TLCD4: variants seen among roughly 807,000 people sequenced by gnomAD.
The protein encoded by TLCD4 is TLC domain containing 4, also known as TLC domain-containing protein 4.
A neutral mutation model predicts 24.2 loss-of-function variants in TLCD4; 7 were observed. The observed-to-expected ratio is 0.29, with a 90% CI of 0.16 to 0.54. TLCD4 has a LOEUF of 0.54. TLCD4 is among the 20% of genes least tolerant of loss of function. The pLI, the probability that TLCD4 is intolerant of heterozygous loss-of-function variation, is 0.95. For missense variants in TLCD4, 259 were observed against 313.9 expected, an observed-to-expected ratio of 0.82 and a Z score of 1.32; for synonymous variants, 103 against 106.4, an observed-to-expected ratio of 0.97 and a Z score of 0.20.
chr1:95,151,522 C>A, intron 5 of TLCD4, 103 bp downstream of exon 5: 1 of 1,350,254 alleles, frequency 7.4e-7, no homozygotes, highest in Non-Finnish European at 1.0e-6. Context: ...TTTTTAAAGA[C>A]CATCTCCAGA....
At chr1:95,144,335 G>A (rs959955098) in intron 2 of TLCD4, among the ~76,000 whole-genome samples, 2 of 152,114 alleles carry the variant, frequency 1.3e-5, no homozygotes, top group Admixed American at 6.6e-5. Context: ...TAGTACTTTC[G>A]TGTTCTTCTT....
chr1:95,162,635 A>C (rs1205859406), intron 5 of TLCD4, among the ~76,000 whole-genome samples: 1 of 152,182 alleles, frequency 6.6e-6, no homozygotes, highest in Non-Finnish European at 1.5e-5. Flanking sequence ...TGCAGTGGTT[A>C]GTACTGGTTG....
intron 1 of TLCD4, among the ~76,000 whole-genome samples, chr1:95,124,431 G>C (rs1676655778): frequency 6.6e-6 from 1 of 152,242 alleles, no homozygotes; most frequent in Middle Eastern, 3.4e-3. Context: ...TTTTCATTAA[G>C]AAAACACTAT....
chr1:95,123,399 G>C (rs1676623321), intron 1 of TLCD4, among the ~76,000 whole-genome samples: 1 of 152,186 alleles, frequency 6.6e-6, no homozygotes, highest in Non-Finnish European at 1.5e-5. Context: ...TGATCACCTG[G>C]AGCCAGAAGA....
At chr1:95,135,870 C>G (rs1009628494) in intron 1 of TLCD4, among the ~76,000 whole-genome samples, 1 of 151,916 alleles carries the variant, frequency 6.6e-6, no homozygotes, top group Non-Finnish European at 1.5e-5. Flanking sequence ...AGGTGTGCAC[C>G]ACCACACCTG....
At chr1:95,120,082 A>G (rs1467564155) in intron 1 of TLCD4, 1 of 152,208 alleles carries the variant, frequency 6.6e-6, no homozygotes. Flanking sequence ...GGATACCACC[A>G]AACTAGTGCA....
At position 95,148,714 on chromosome 1, in the gene TLCD4, A is replaced by G; in HGVS notation, c.168A>G (p.Thr56=). ...KIEWNSRVVS[T]CHSLVVGIFG... ...TGTTTAATTTCAGGGTAGTATCCACATGCCATTCTTTGGTGGTTGGTATTT... is the reference window on the plus strand; with the variant it reads ...TGTTTAATTTCAGGGTAGTATCCACGTGCCATTCTTTGGTGGTTGGTATTT... The change falls in exon 3 of 7, where the codon ACA becomes ACG. Residue 56 remains threonine, a synonymous_variant. Coordinates refer to ENST00000370203, the MANE Select transcript of TLCD4 (RefSeq NM_152487.3). 6.2e-7 allele frequency: 1 copy of G among 1,613,728 alleles called. No individual in the cohort carries two copies.
At chr1:95,102,670 G>A in the TLCD4 span, among the ~76,000 whole-genome samples, 1 of 152,170 alleles carries the variant, frequency 6.6e-6, no homozygotes, top group South Asian at 2.1e-4. Flanking sequence ...GGAACAGGGA[G>A]GACAGGGTTA....
chr1:95,124,569 C>T (rs1676658819), intron 1 of TLCD4, among the ~76,000 whole-genome samples: 1 of 152,108 alleles, frequency 6.6e-6, no homozygotes, highest in Non-Finnish European at 1.5e-5. Flanking sequence ...CATGGCACTG[C>T]TCAGTGAAAG....
intron 5 of TLCD4, among the ~76,000 whole-genome samples, chr1:95,160,328 A>G (rs1434281165): frequency 6.6e-6 from 1 of 152,156 alleles, no homozygotes; most frequent in African/African-American, 2.4e-5. Flanking sequence ...GGTGTATAGG[A>G]ATGCTTGCGA....
chr1:95,148,178 G>A (rs970585683), intron 2 of TLCD4, among the ~76,000 whole-genome samples: 5 of 152,234 alleles, frequency 3.3e-5, no homozygotes, highest in East Asian at 3.9e-4. Context: ...GCATGTCAAC[G>A]TACTTTAAAA....
chr1:95,101,972 G>A, the TLCD4 span, among the ~76,000 whole-genome samples: 2 of 152,154 alleles, frequency 1.3e-5, no homozygotes, highest in Non-Finnish European at 2.9e-5. Context: ...GGAAATGTAG[G>A]TTTGAGCTCA....
the TLCD4 span, among the ~76,000 whole-genome samples, chr1:95,095,873 A>G: frequency 1.3e-5 from 2 of 152,196 alleles, no homozygotes; most frequent in East Asian, 1.9e-4. Context: ...GGCAAACCAA[A>G]ATTGCTTTAA....
Position 95,193,360 on chromosome 1 carries a change from A to G in TLCD4, c.*1492A>G, listed in dbSNP as rs1250016415. On this transcript the variant is annotated 3_prime_UTR_variant, in exon 7 of 7. Transcript: ENST00000370203. ...TTTTGCTTTTACTTTAATTCTTGCAATCCAAATATAGAATTATATATTTAT... is the reference window on the plus strand; with the variant it reads ...TTTTGCTTTTACTTTAATTCTTGCAGTCCAAATATAGAATTATATATTTAT... 6.6e-6 allele frequency: 1 copy of G among 152,138 alleles called. No homozygotes were observed. The highest frequency in any genetic ancestry group is 2.4e-5 in the African/African-American group (1 of 41,450). 9.4% of individuals were successfully genotyped at this position (152,138 alleles called of 1,614,324 possible).
intron 6 of TLCD4, among the ~76,000 whole-genome samples, chr1:95,178,448 A>T (rs1387868772): frequency 6.6e-6 from 1 of 151,056 alleles, no homozygotes; most frequent in Non-Finnish European, 1.5e-5. Flanking sequence ...TTTTTAATAG[A>T]GACGGGGTTT....
At chr1:95,106,726 A>T in the TLCD4 span, among the ~76,000 whole-genome samples, 1 of 152,170 alleles carries the variant, frequency 6.6e-6, no homozygotes, top group Non-Finnish European at 1.5e-5. Context: ...CAACAACAAA[A>T]CCAAATAAAA....
chr1:95,142,282 T>C (rs1677220017), intron 1 of TLCD4, among the ~76,000 whole-genome samples: 1 of 128,792 alleles, frequency 7.8e-6, no homozygotes, highest in Non-Finnish European at 1.6e-5. Flanking sequence ...GAAGCTCTTT[T>C]ATAAAAATCT....
rs571542330 is a variant in TLCD4 at position 95,158,083 on chromosome 1, T to C, written c.399+6664T>C. On this transcript the variant is annotated intron_variant, in intron 5 of 6. Transcript: ENST00000370203. ...TCATACCTCTATTTGCCTTCCCTTC[T>C]TCCTCCCAATGTAGTTAGGGAATGC... 6.6e-5 allele frequency among the ~76,000 whole-genome samples: 10 copies of C among 152,308 alleles called. No homozygotes were observed. In the East Asian group the frequency reaches 1.9e-3, roughly 29 times the overall value.
intron 6 of TLCD4, among the ~76,000 whole-genome samples, chr1:95,188,444 A>G (rs1407833710): frequency 1.3e-5 from 2 of 151,644 alleles, no homozygotes; most frequent in African/African-American, 2.4e-5. Flanking sequence ...ACATTACACT[A>G]TACACAGCCC....
Sources: gnomAD v4.1 joint callset for allele counts (sites outside exome capture counted in the v4.1 genomes callset) on GRCh38, gnomAD v4.1.1 for gene constraint, MANE v1.5 for transcripts, NCBI Gene and HGNC (gene_info 2026-07-23, HGNC 2026-07-21) for gene names.